The following KIAA0232 variants were observed in gnomAD, a reference collection of about 807,000 sequenced individuals.
KIAA0232 encodes KIAA0232.
KIAA0232 carries 27 observed loss-of-function variants against 122.0 expected under a neutral mutation model. The observed-to-expected ratio is 0.22, with a 90% CI of 0.16 to 0.31. KIAA0232 has a LOEUF of 0.31. Ranked by LOEUF, KIAA0232 falls within the 10% of genes least tolerant of loss-of-function variation. The probability of loss-of-function intolerance (pLI) is 1.00; values close to 1 mark genes in which losing one functional copy is unlikely to be tolerated. For synonymous variants in KIAA0232, 613 were observed against 587.6 expected (o/e 1.04, Z -0.63); for missense variants, 1,551 against 1,634.2 (o/e 0.95, Z 0.88).
rs376895940 is a variant in KIAA0232 at position 6,861,945 on chromosome 4, T to C, written c.1563T>C (p.Pro521=). Residue 521 remains proline, a synonymous_variant, in exon 7 of 10, where the codon CCT becomes CCC. Coordinates refer to ENST00000307659, the MANE Select transcript of KIAA0232 (RefSeq NM_014743.3). ...ATATTGATCAATCCATGTTGGATCCTGGTGCCTCAGAAACAATGCAAGGAG... is the reference window on the plus strand; with the variant it reads ...ATATTGATCAATCCATGTTGGATCCCGGTGCCTCAGAAACAATGCAAGGAG... ...EVDIDQSMLD[P]GASETMQGES... The C allele has an allele frequency of 4.3e-6, 7 of 1,613,950 alleles. No homozygotes were observed. Among genetic ancestry groups the C allele is most frequent in the Non-Finnish European group, 5.9e-6 (7 of 1,179,938 alleles).
At chr4:6,826,126 G>A (rs890476317) in intron 3 of KIAA0232, among the ~76,000 whole-genome samples, 1 of 152,134 alleles carries the variant, frequency 6.6e-6, no homozygotes, top group Non-Finnish European at 1.5e-5. Flanking sequence ...AGCTTAACAT[G>A]TTTTATACCT....
At chr4:6,783,918 G>C (rs938866143) in intron 1 of KIAA0232, among the ~76,000 whole-genome samples, 1 of 152,166 alleles carries the variant, frequency 6.6e-6, no homozygotes, top group African/African-American at 2.4e-5. Context: ...GGAGAAACCA[G>C]TGTGTGTCGT....
chr4:6,848,721 T>C (rs1720107953), intron 4 of KIAA0232, among the ~76,000 whole-genome samples: 1 of 152,228 alleles, frequency 6.6e-6, no homozygotes, highest in African/African-American at 2.4e-5. Context: ...CTTTTCTGGG[T>C]AATACTAAGA....
At chr4:6,843,196 T>G (rs1719757690) in intron 4 of KIAA0232, among the ~76,000 whole-genome samples, 1 of 152,232 alleles carries the variant, frequency 6.6e-6, no homozygotes. Context: ...TAAGATGTTA[T>G]CTGTGAGATC....
intron 2 of KIAA0232, among the ~76,000 whole-genome samples, chr4:6,806,737 CAAAAAA>C (rs34146483): frequency 4.2e-5 from 2 of 47,642 alleles, no homozygotes; most frequent in African/African-American, 8.3e-5. Context: ...GACTCCCTCT[CAAAAAA>C]AAAAAAAAAA....
intron 3 of KIAA0232, among the ~76,000 whole-genome samples, chr4:6,827,405 T>TAAC (rs1718749012): frequency 6.6e-6 from 1 of 152,210 alleles, no homozygotes; most frequent in Admixed American, 6.5e-5. Context: ...GAACTCCAGC[T>TAAC]AACAGCAAGG....
At chr4:6,857,138 T>G in intron 4 of KIAA0232, 26 bp from the exon 5 acceptor site, 2 of 1,571,170 alleles carry the variant, frequency 1.3e-6, no homozygotes, top group South Asian at 2.3e-5. Flanking sequence ...GGCTGTAACC[T>G]AATGTGTCTT....
At chr4:6,834,054 A>C (rs959649853) in intron 3 of KIAA0232, among the ~76,000 whole-genome samples, 4 of 152,158 alleles carry the variant, frequency 2.6e-5, no homozygotes, top group African/African-American at 9.7e-5. Flanking sequence ...TGACTTGGAC[A>C]AGTTAACATC....
chr4:6,845,581 G>C (rs545533794), intron 4 of KIAA0232, among the ~76,000 whole-genome samples: 3 of 151,970 alleles, frequency 2.0e-5, no homozygotes, highest in Non-Finnish European at 4.4e-5. Flanking sequence ...AAGGAATTCA[G>C]AATGCAGATT....
chr4:6,796,247 CT>C (rs963023851), intron 1 of KIAA0232, among the ~76,000 whole-genome samples: 61 of 146,082 alleles, frequency 4.2e-4, no homozygotes, highest in Middle Eastern at 3.4e-3. Context: ...CTATATTGTT[CT>C]TTTTTTTTTT....
chr4:6,803,011 C>CAA (rs746215162), intron 1 of KIAA0232, among the ~76,000 whole-genome samples: 211 of 48,400 alleles, frequency 4.4e-3, no homozygotes, highest in Non-Finnish European at 6.5e-3. Flanking sequence ...CTGTCTTGAC[C>CAA]AAAAAAAAAA....
At chr4:6,796,789 C>T (rs1483832229) in intron 1 of KIAA0232, among the ~76,000 whole-genome samples, 2 of 152,136 alleles carry the variant, frequency 1.3e-5, no homozygotes, top group East Asian at 1.9e-4. Context: ...TTTCTGAGCT[C>T]GTAGGGTGTC....
intron 1 of KIAA0232, among the ~76,000 whole-genome samples, chr4:6,787,156 G>A (rs541615275): frequency 6.9e-4 from 96 of 139,238 alleles, no homozygotes; most frequent in Middle Eastern, 4.3e-3. Context: ...ACTCCAGCCT[G>A]GCGACAGAGC....
intron 2 of KIAA0232, among the ~76,000 whole-genome samples, chr4:6,806,945 T>C (rs548922417): frequency 6.6e-6 from 1 of 152,068 alleles, no homozygotes; most frequent in African/African-American, 2.4e-5. Context: ...GAAGTCTGTT[T>C]AGTACTTCTG....
rs568087219 is a variant in KIAA0232 at position 6,798,273 on chromosome 4, A to G, written c.-353-6250A>G. Among the ~76,000 whole-genome samples, 6 of 152,246 alleles carry G rather than the reference A, an allele frequency of 3.9e-5. No individual in the cohort carries two copies. In the East Asian group the frequency reaches 1.2e-3, roughly 29 times the overall value. ...TTAGCTTATGCTTTTTCATGTTGTG[A>G]AAGCAGTGTTTGATGCTGAGTAGGT... is the stretch of plus-strand genomic sequence containing the variant. On this transcript the variant is annotated intron_variant, in intron 1 of 9. Transcript: ENST00000307659.
chr4:6,863,483 G>T lies in KIAA0232; in HGVS notation c.3101G>T (p.Gly1034Val). The T allele has an allele frequency of 6.2e-7, 1 of 1,614,170 alleles. No individual in the cohort carries two copies. Among genetic ancestry groups the T allele is most frequent in the Non-Finnish European group, 8.5e-7 (1 of 1,180,042 alleles). The change falls in exon 7 of 10, where the codon GGA becomes GTA. Residue 1034 changes from glycine (G) to valine (V), a missense_variant. Gly to Val is a moderately radical substitution (Grantham distance 109, BLOSUM62 -3). Around this residue, in one of 5 missense-constraint regions of KIAA0232, gnomAD observed 1,108 missense variants for 1,154.8 expected, o/e 0.96. Coordinates refer to ENST00000307659, the MANE Select transcript of KIAA0232 (RefSeq NM_014743.3). ...ACGNFQVEDP[G>V]LEYSFSSFDL... ...GGCAACTTTCAAGTCGAAGATCCTG[G>T]ACTTGAATACTCATTTTCTTCCTTT...
At position 6,881,000 on chromosome 4, in the gene KIAA0232, T is replaced by C. The variant is rs1722046988; in HGVS notation, c.*34T>C. ...AATAGTACAAATTATTGTTTAAAAA[T>C]GATATGTGATGGAAAATTACTCTTC... is the stretch of plus-strand genomic sequence containing the variant. On this transcript the variant is annotated 3_prime_UTR_variant, in exon 10 of 10. Coordinates refer to ENST00000307659, the MANE Select transcript of KIAA0232 (RefSeq NM_014743.3). 1 of 1,386,822 alleles carries C rather than the reference T, an allele frequency of 7.2e-7. No homozygotes were observed. Among genetic ancestry groups the C allele is most frequent in the Non-Finnish European group, 9.5e-7 (1 of 1,056,978 alleles). The allele number at this position is 1,386,822 out of a possible 1,614,324, so 85.9% of individuals were successfully genotyped here.
intron 1 of KIAA0232, among the ~76,000 whole-genome samples, chr4:6,801,417 G>A (rs904623790): frequency 1.3e-5 from 2 of 152,224 alleles, no homozygotes; most frequent in East Asian, 3.8e-4. Context: ...GGCCAGGCAT[G>A]GTGGCTCATG....
At chr4:6,785,204 T>C (rs1266846192) in intron 1 of KIAA0232, among the ~76,000 whole-genome samples, 1 of 152,332 alleles carries the variant, frequency 6.6e-6, no homozygotes, top group Non-Finnish European at 1.5e-5. Context: ...CCCAAAGTGC[T>C]GGGATTACAG....
Sources: allele counts gnomAD v4.1 joint callset (sites outside exome capture counted in the v4.1 genomes callset), GRCh38; gene constraint gnomAD v4.1.1; regional missense constraint gnomAD v4.1.1; transcripts MANE v1.5; gene names NCBI Gene and HGNC (gene_info 2026-07-23, HGNC 2026-07-21).